Variants in MLNR observed in about 807,000 individuals in gnomAD.
The protein encoded by MLNR is G protein-coupled receptor 38.
In MLNR, 16 loss-of-function variants were observed where a neutral mutation model predicts 20.0. The ratio of observed to expected loss-of-function variants is 0.80; its 90% CI spans 0.54 to 1.22. The LOEUF (loss-of-function observed/expected upper bound fraction) is 1.22, where lower values mean the gene tolerates loss of function less well. Ranked by LOEUF, MLNR falls within the 50% of genes most tolerant of loss-of-function variation. MLNR has a pLI of 0.00. For synonymous variants in MLNR, 302 were observed against 287.2 expected (o/e 1.05, Z -0.52); for missense variants, 630 against 592.3 (o/e 1.06, Z -0.66).
chr13:49,220,916 C>A lies in MLNR; in HGVS notation c.579C>A (p.Gly193=). ...TCTCCGTAGTCCCGGGCCTCAATGG[C>A]ACCGCGCGGATCGCCTCCTCGCCTC... ...PGISVVPGLN[G]TARIASSPLA... Residue 193 remains glycine (G), a synonymous_variant, in exon 1 of 2, where the codon GGC becomes GGA. Coordinates refer to ENST00000218721, the MANE Select transcript of MLNR (RefSeq NM_001507.1). The surrounding 1 kb of genome is among the most constrained non-coding windows in gnomAD (Gnocchi z 4.4). 6.5e-7 allele frequency: 1 copy of A among 1,549,180 alleles called. No individual in the cohort carries two copies. Among genetic ancestry groups the A allele is most frequent in the Non-Finnish European group, 8.7e-7 (1 of 1,150,046 alleles).
Position 49,220,386 on chromosome 13 carries a change from C to A in MLNR, c.49C>A (p.Pro17Thr). ...GSDGPEGARE[P>T]PWPALPPCDE... ...CGACGGCCCCGAGGGGGCGCGGGAGCCGCCGTGGCCCGCGCTGCCGCCTTG... is the reference window on the plus strand; with the variant it reads ...CGACGGCCCCGAGGGGGCGCGGGAGACGCCGTGGCCCGCGCTGCCGCCTTG... Residue 17 changes from proline to threonine, a missense_variant, in exon 1 of 2, where the codon CCG becomes ACG. Transcript: ENST00000218721. This position sits in a 1 kb window ranked among gnomAD's most constrained non-coding sequence, Gnocchi z 4.4. 1 of 1,468,026 alleles carries A rather than the reference C, an allele frequency of 6.8e-7. No individual in the cohort carries two copies. The highest frequency in any genetic ancestry group is 1.4e-5 in the South Asian group (1 of 73,782). The allele number at this position is 1,468,026 out of a possible 1,614,324, so 90.9% of individuals were successfully genotyped here.
chr13:49,221,228 C>G lies in MLNR; in HGVS notation c.891C>G (p.Val297=). The G allele has an allele frequency of 6.3e-7, 1 of 1,576,378 alleles. No individual in the cohort carries two copies. The highest frequency in any genetic ancestry group is 8.6e-7 in the Non-Finnish European group (1 of 1,169,526). Residue 297 remains valine, a synonymous_variant, in exon 1 of 2, where the codon GTC becomes GTG. Coordinates refer to ENST00000218721, the MANE Select transcript of MLNR (RefSeq NM_001507.1). ...SGRERGHRQT[V]RVLLVVVLAF... ...GGGAGAGAGGCCACCGGCAGACCGT[C>G]CGCGTCCTGCGTAAGTGGAGCCGCC...
chr13:49,221,973 T>C, intron 1 of MLNR, 67 bp from the exon 2 acceptor site: 3 of 1,401,246 alleles, frequency 2.1e-6, no homozygotes, highest in African/African-American at 1.4e-5. Context: ...TGGTTCCTTG[T>C]CGGGGTGGGG....
Position 49,220,972 on chromosome 13 carries a change from G to A in MLNR, c.635G>A (p.Arg212Gln), listed in dbSNP as rs759115333. 6.7e-6 allele frequency: 10 copies of A among 1,492,506 alleles called. No individual in the cohort carries two copies. The highest frequency in any genetic ancestry group is 2.9e-5 in the African/African-American group (2 of 68,412). The allele number at this position is 1,492,506 out of a possible 1,614,324, so 92.5% of individuals were successfully genotyped here. A position where few individuals can be genotyped will look rare whatever the true frequency, so the allele number is the denominator to read the frequency against. ...LASSPPLWLSRAPPPSPPSGP... is the reference protein window; with the variant it reads ...LASSPPLWLSQAPPPSPPSGP... ...TCGTCGCCGCCTCTCTGGCTCTCGC[G>A]GGCGCCACCGCCGTCCCCGCCGTCG... The change falls in exon 1 of 2, where the codon CGG becomes CAG. Residue 212 changes from arginine (R) to glutamine (Q), a missense_variant. Transcript: ENST00000218721. This position sits in a 1 kb window ranked among gnomAD's most constrained non-coding sequence, Gnocchi z 4.4.
Position 49,221,091 on chromosome 13 carries a change from A to T in MLNR, c.754A>T (p.Thr252Ser). The T allele has an allele frequency of 6.3e-7, 1 of 1,589,554 alleles. No individual in the cohort carries two copies. The highest frequency in any genetic ancestry group is 1.1e-5 in the South Asian group (1 of 89,972). The stretch of plus-strand genomic sequence containing the variant: ...CGCGCTGCGTGTCATGCTGTGGGTC[A>T]CCACCGCCTACTTCTTCCTGCCCTT... ...LGALRVMLWV[T>S]TAYFFLPFLC... Residue 252 changes from threonine (T) to serine (S), a missense_variant, in exon 1 of 2, where the codon ACC becomes TCC. By Grantham distance (58) the Thr-to-Ser change is moderately conservative. Coordinates refer to ENST00000218721, the MANE Select transcript of MLNR (RefSeq NM_001507.1).
Position 49,221,257 on chromosome 13 carries a change from G to C in MLNR, c.901+19G>C, listed in dbSNP as rs771666910. ...GTCCTGCGTAAGTGGAGCCGCCGTG[G>C]TTCCAAAGACGCCTGCCTGCAGTCC... On this transcript the variant is annotated intron_variant, in intron 1 of 1. Coordinates refer to ENST00000218721, the MANE Select transcript of MLNR (RefSeq NM_001507.1). 1 of 1,552,392 alleles carries C rather than the reference G, an allele frequency of 6.4e-7. No individual in the cohort carries two copies. Among genetic ancestry groups the C allele is most frequent in the Non-Finnish European group, 8.6e-7 (1 of 1,156,850 alleles).
At position 49,220,381 on chromosome 13, in the gene MLNR, G is replaced by C. The variant is rs2138168794; in HGVS notation, c.44G>C (p.Arg15Pro). 1.4e-6 allele frequency: 2 copies of C among 1,458,786 alleles called. No individual in the cohort carries two copies. The highest frequency in any genetic ancestry group is 2.7e-5 in the East Asian group (1 of 36,548). 90.4% of individuals were successfully genotyped at this position (1,458,786 alleles called of 1,614,324 possible). ...GGCAGCGACGGCCCCGAGGGGGCGC[G>C]GGAGCCGCCGTGGCCCGCGCTGCCG... is the stretch of plus-strand genomic sequence containing the variant. The part of the protein sequence containing the change: ...WNGSDGPEGA[R>P]EPPWPALPPC... Residue 15 changes from arginine (R) to proline (P), a missense_variant, in exon 1 of 2, where the codon CGG becomes CCG. By Grantham distance (103) the Arg-to-Pro change is moderately radical. Transcript: ENST00000218721. The surrounding 1 kb of genome is among the most constrained non-coding windows in gnomAD (Gnocchi z 4.4).
chr13:49,222,153 G>T lies in MLNR; in HGVS notation c.1015G>T (p.Val339Phe). The T allele has an allele frequency of 1.9e-6, 3 of 1,613,982 alleles. No homozygotes were observed. In the South Asian group the frequency reaches 3.3e-5, roughly 18 times the overall value. ...GTACTTCTCTCAGTACTTTAACATC[G>T]TCGCTCTGCAACTTTTCTATCTGAG... ...MMYFSQYFNIVALQLFYLSAS... is the reference protein window; with the variant it reads ...MMYFSQYFNIFALQLFYLSAS... Residue 339 changes from valine (V) to phenylalanine (F), a missense_variant, in exon 2 of 2, where the codon GTC (valine) becomes TTC (phenylalanine). Val to Phe is a conservative substitution (Grantham distance 50). Coordinates refer to ENST00000218721, the MANE Select transcript of MLNR (RefSeq NM_001507.1).
Position 49,221,202 on chromosome 13 carries a change from C to A in MLNR, c.865C>A (p.Arg289=), listed in dbSNP as rs1050069169. 1.3e-6 allele frequency: 2 copies of A among 1,587,412 alleles called. No homozygotes were observed. The highest frequency in any genetic ancestry group is 2.7e-5 in the African/African-American group (2 of 73,842). ...RPLRGPAASG[R]ERGHRQTVRV... Reference sequence around the variant, plus strand: ...GCTGCGAGGCCCGGCCGCCTCGGGGCGGGAGAGAGGCCACCGGCAGACCGT... The same window carrying A: ...GCTGCGAGGCCCGGCCGCCTCGGGGAGGGAGAGAGGCCACCGGCAGACCGT... Residue 289 remains arginine, a synonymous_variant, in exon 1 of 2, where the codon CGG becomes AGG. Coordinates refer to ENST00000218721, the MANE Select transcript of MLNR (RefSeq NM_001507.1).
In MLNR at chr13:49,220,543, T is replaced by TG; in HGVS notation, c.207dup (p.Arg70AlafsTer268). On this transcript the variant is annotated frameshift_variant, in exon 1 of 2. Coordinates refer to ENST00000218721, the MANE Select transcript of MLNR (RefSeq NM_001507.1). LOFTEE classifies it high-confidence loss of function. The surrounding 1 kb of genome is among the most constrained non-coding windows in gnomAD (Gnocchi z 4.4). ...ATGCTGATCGGGCGCTACCGGGACA[T>TG]GCGGACCACCACCAACTTGTACCTG... 1 of 1,612,396 alleles carries TG rather than the reference T, an allele frequency of 6.2e-7. No homozygotes were observed. Among genetic ancestry groups the TG allele is most frequent in the Non-Finnish European group, 8.5e-7 (1 of 1,179,220 alleles).
rs750727360 is a variant in MLNR, at chr13:49,220,471, G to A, written c.134G>A (p.Cys45Tyr). ...LGALVPVTAV[C>Y]LCLFVVGVSG... ...GCGCTGGTGCCGGTGACCGCTGTGTGCCTGTGCCTGTTCGTCGTCGGGGTG... is the reference window on the plus strand; with the variant it reads ...GCGCTGGTGCCGGTGACCGCTGTGTACCTGTGCCTGTTCGTCGTCGGGGTG... The change falls in exon 1 of 2, where the codon TGC becomes TAC. Residue 45 changes from cysteine to tyrosine, a missense_variant. Coordinates refer to ENST00000218721, the MANE Select transcript of MLNR (RefSeq NM_001507.1). This position sits in a 1 kb window ranked among gnomAD's most constrained non-coding sequence, Gnocchi z 4.4. 21 of 1,578,552 alleles carry A rather than the reference G, an allele frequency of 1.3e-5. No individual in the cohort carries two copies. The Middle Eastern group carries it at 6.6e-4, about 50-fold the overall frequency.
intron 1 of MLNR, among the ~76,000 whole-genome samples, 193 bp from the exon 2 acceptor site, chr13:49,221,847 T>C (rs1887015880): frequency 1.3e-5 from 2 of 152,232 alleles, no homozygotes; most frequent in Non-Finnish European, 2.9e-5. Flanking sequence ...GAGCCTACTA[T>C]GCAGTTTTAA....
chr13:49,220,949 G>C lies in MLNR; in HGVS notation c.612G>C (p.Ser204=), dbSNP rs771255641. 6.0e-6 allele frequency: 9 copies of C among 1,510,384 alleles called. No homozygotes were observed. The highest frequency in any genetic ancestry group is 1.5e-5 in the African/African-American group (1 of 68,664). 93.6% of individuals were successfully genotyped at this position (1,510,384 alleles called of 1,614,324 possible). Residue 204 remains serine (S), a synonymous_variant, in exon 1 of 2, where the codon TCG becomes TCC. Transcript: ENST00000218721. The surrounding 1 kb of genome is among the most constrained non-coding windows in gnomAD (Gnocchi z 4.4). ...GGATCGCCTCCTCGCCTCTCGCCTC[G>C]TCGCCGCCTCTCTGGCTCTCGCGGG... ...TARIASSPLA[S]SPPLWLSRAP...
In MLNR at chr13:49,220,789, C is replaced by A; in HGVS notation, c.452C>A (p.Thr151Asn). Residue 151 changes from threonine to asparagine, a missense_variant, in exon 1 of 2, where the codon ACC (threonine) becomes AAC (asparagine). Thr to Asn is a moderately conservative substitution (Grantham distance 65). Transcript: ENST00000218721. This position sits in a 1 kb window ranked among gnomAD's most constrained non-coding sequence, Gnocchi z 4.4. ...CCGCTCCGCGCCCGCGTCTTGGTCACCCGGCGCCGCGTCCGCGCGCTCATC... is the reference window on the plus strand; with the variant it reads ...CCGCTCCGCGCCCGCGTCTTGGTCAACCGGCGCCGCGTCCGCGCGCTCATC... Reference protein sequence around the residue: ...CRPLRARVLVTRRRVRALIAV... With the variant: ...CRPLRARVLVNRRRVRALIAV... 1 of 1,565,206 alleles carries A rather than the reference C, an allele frequency of 6.4e-7. No individual in the cohort carries two copies. Among genetic ancestry groups the A allele is most frequent in the Non-Finnish European group, 8.6e-7 (1 of 1,156,252 alleles).
At position 49,221,518 on chromosome 13, in the gene MLNR, C is replaced by T. The variant is rs1406730768; in HGVS notation, c.901+280C>T. On this transcript the variant is annotated intron_variant, in intron 1 of 1. Transcript: ENST00000218721. ...CAGTGCTTTTCCAGAGCCTCTGAGA[C>T]CAGAAAGGAGAGTTGGTAATTCTTA... The T allele has an allele frequency of 1.2e-5, 6 of 513,950 alleles. No homozygotes were observed. In the Admixed American group the frequency reaches 1.8e-4, roughly 16 times the overall value. The allele number at this position is 513,950 out of a possible 1,614,324, so 31.8% of individuals were successfully genotyped here.
Position 49,222,050 on chromosome 13 carries a change from T to C in MLNR, c.912T>C (p.Val304=), listed in dbSNP as rs1250057569. Residue 304 remains valine (V), a synonymous_variant, in exon 2 of 2, where the codon GTT becomes GTC. Transcript: ENST00000218721. ...RQTVRVLLVV[V]LAFIICWLPF... ...TGTCTTATGTTGCAGTGGTGGTGGT[T>C]CTGGCATTTATAATTTGCTGGTTGC... The C allele has an allele frequency of 4.3e-6, 7 of 1,613,530 alleles. No individual in the cohort carries two copies. The highest frequency in any genetic ancestry group is 1.3e-5 in the African/African-American group (1 of 74,916).
Position 49,222,024 on chromosome 13 carries a change from G to A in MLNR, c.902-16G>A, listed in dbSNP as rs199589492. On this transcript the variant is annotated splice_polypyrimidine_tract_variant and intron_variant, in intron 1 of 1. Transcript: ENST00000218721. ...CAATGCTTTTGTTAATCCCGGTGCT[G>A]TGTCTTATGTTGCAGTGGTGGTGGT... 4.3e-5 allele frequency: 69 copies of A among 1,605,774 alleles called. No individual in the cohort carries two copies. In the Middle Eastern group the frequency reaches 8.3e-4, roughly 19 times the overall value.
At position 49,220,695 on chromosome 13, in the gene MLNR, G is replaced by A. The variant is rs1886991882; in HGVS notation, c.358G>A (p.Gly120Ser). ...LCRLSLYVGE[G>S]CTYATLLHMT... Reference sequence around the variant, plus strand: ...CCGCCTGTCCCTCTACGTGGGCGAGGGCTGCACCTACGCCACGCTGCTGCA... The same window carrying A: ...CCGCCTGTCCCTCTACGTGGGCGAGAGCTGCACCTACGCCACGCTGCTGCA... The change falls in exon 1 of 2, where the codon GGC becomes AGC. Residue 120 changes from glycine (G) to serine (S), a missense_variant. Coordinates refer to ENST00000218721, the MANE Select transcript of MLNR (RefSeq NM_001507.1). This position sits in a 1 kb window ranked among gnomAD's most constrained non-coding sequence, Gnocchi z 4.4. 6.3e-7 allele frequency: 1 copy of A among 1,599,746 alleles called. No individual in the cohort carries two copies. The highest frequency in any genetic ancestry group is 8.5e-7 in the Non-Finnish European group (1 of 1,174,736).
Position 49,220,448 on chromosome 13 carries a change from G to T in MLNR, c.111G>T (p.Ala37=). ...GCTGCTCGCCCTTTCCCCTGGGGGCGCTGGTGCCGGTGACCGCTGTGTGCC... is the reference window on the plus strand; with the variant it reads ...GCTGCTCGCCCTTTCCCCTGGGGGCTCTGGTGCCGGTGACCGCTGTGTGCC... ...ERRCSPFPLG[A]LVPVTAVCLC... is the part of the protein sequence containing the mutation. The change falls in exon 1 of 2, where the codon GCG becomes GCT. Residue 37 remains alanine, a synonymous_variant. Transcript: ENST00000218721. This position sits in a 1 kb window ranked among gnomAD's most constrained non-coding sequence, Gnocchi z 4.4. 6.4e-7 allele frequency: 1 copy of T among 1,553,962 alleles called. No homozygotes were observed.
Sources: gnomAD v4.1 joint callset for allele counts (sites outside exome capture counted in the v4.1 genomes callset) on GRCh38, gnomAD v4.1.1 for gene constraint, Gnocchi (gnomAD v3.1) non-coding constraint, MANE v1.5 for transcripts, NCBI Gene and HGNC (gene_info 2026-07-23, HGNC 2026-07-21) for gene names.